Variants in SAMMSON observed in about 807,000 individuals in gnomAD.
The protein encoded by SAMMSON is long intergenic non-protein coding RNA 1212.
At chr3:70,134,944 C>A (rs1001840567) in intron 4 of SAMMSON, among the ~76,000 whole-genome samples, 1 of 152,086 alleles carries the variant, frequency 6.6e-6, no homozygotes, top group African/African-American at 2.4e-5. Flanking sequence ...AATTAAAGTA[C>A]ATTTTGCCAT....
At chr3:70,413,301 T>C (rs1701236724) in intron 2 of SAMMSON, among the ~76,000 whole-genome samples, 1 of 152,202 alleles carries the variant, frequency 6.6e-6, no homozygotes, top group Admixed American at 6.5e-5. Context: ...ATTGCCTCAA[T>C]GGCCGTTTAG....
intron 4 of SAMMSON, among the ~76,000 whole-genome samples, chr3:70,107,495 C>T (rs973138528): frequency 6.6e-6 from 1 of 151,946 alleles, no homozygotes; most frequent in Admixed American, 6.6e-5. Context: ...CAGGAATGAC[C>T]TCAAGAGCTG....
chr3:70,242,056 G>A lies in SAMMSON; in HGVS notation n.508-7051G>A, dbSNP rs142904385. ...ACTATCTTTGATGCCAGAAAGACTA[G>A]AGACAATTTCCTCGTAAGGGTAAGG... On this transcript the variant is annotated intron_variant and non_coding_transcript_variant, in intron 4 of 9. Transcript: ENST00000642114. Among the ~76,000 whole-genome samples the A allele has an allele frequency of 1.7e-4, 26 of 152,320 alleles. No homozygotes were observed. The East Asian group carries it at 4.4e-3, about 26-fold the overall frequency.
intron 4 of SAMMSON, among the ~76,000 whole-genome samples, chr3:70,175,577 A>G (rs1701002995): frequency 6.6e-6 from 1 of 151,974 alleles, no homozygotes; most frequent in African/African-American, 2.4e-5. Flanking sequence ...CTGATCCAGA[A>G]CCCCAAATCT....
At chr3:70,157,933 C>T (rs2067598135) in intron 4 of SAMMSON, among the ~76,000 whole-genome samples, 1 of 152,068 alleles carries the variant, frequency 6.6e-6, no homozygotes, top group Non-Finnish European at 1.5e-5. Flanking sequence ...AGCCCCCACT[C>T]TTGTACCCTC....
chr3:70,287,420 G>C (rs1294625385), intron 6 of SAMMSON, among the ~76,000 whole-genome samples: 2 of 151,580 alleles, frequency 1.3e-5, no homozygotes, highest in African/African-American at 4.9e-5. Context: ...ACTTGATCAT[G>C]GTGGATAAAC....
chr3:70,308,111 G>T (rs568253794), intron 7 of SAMMSON, among the ~76,000 whole-genome samples: 4 of 152,258 alleles, frequency 2.6e-5, no homozygotes, highest in African/African-American at 9.6e-5. Flanking sequence ...TAGTACAGTG[G>T]TGTGATCATA....
Position 70,291,546 on chromosome 3 carries a change from T to G in SAMMSON, n.739+303T>G, listed in dbSNP as rs139994751. The stretch of plus-strand genomic sequence containing the variant: ...TTATTTGGTCTTATCTCTCATCACA[T>G]TCTGAGATTCTCAGAAGGGACAATA... On this transcript the variant is annotated intron_variant and non_coding_transcript_variant, in intron 7 of 9. Coordinates refer to ENST00000642114, the Ensembl canonical transcript of SAMMSON. Among the ~76,000 whole-genome samples, 1,225 of 152,280 alleles carry G rather than the reference T, an allele frequency of 8.0e-3. 7 individuals are homozygous for G. Among genetic ancestry groups the G allele is most frequent in the Middle Eastern group, 0.041 (12 of 294 alleles).
intron 6 of SAMMSON, among the ~76,000 whole-genome samples, chr3:70,262,769 A>T (rs1302016408): frequency 6.6e-6 from 1 of 152,054 alleles, no homozygotes; most frequent in African/African-American, 2.4e-5. Context: ...GAAGATCTTT[A>T]GTTGTTATTT....
At chr3:70,183,355 G>T (rs894236798) in intron 4 of SAMMSON, 1 of 152,136 alleles carries the variant, frequency 6.6e-6, no homozygotes, top group Non-Finnish European at 1.5e-5. Flanking sequence ...TCAGTGGCTC[G>T]TGTGGAATGA....
Position 70,319,011 on chromosome 3 carries a change from TG to T in SAMMSON, n.739+27769del, listed in dbSNP as rs570055896. ...GAGTGTCTGCTAGTACTGTATTAAC[TG>T]TGATACCTATGTTCAGTGCTCAGTC... On this transcript the variant is annotated intron_variant and non_coding_transcript_variant, in intron 7 of 9. Coordinates refer to ENST00000642114, the Ensembl canonical transcript of SAMMSON. 9.1e-4 allele frequency among the ~76,000 whole-genome samples: 139 copies of T among 152,076 alleles called. 1 individual carries two copies. Among genetic ancestry groups the T allele is most frequent in the Non-Finnish European group, 1.7e-3 (116 of 67,982 alleles).
intron 4 of SAMMSON, among the ~76,000 whole-genome samples, chr3:70,108,191 T>A (rs1252334012): frequency 6.6e-6 from 1 of 152,058 alleles, no homozygotes; most frequent in African/African-American, 2.4e-5. Flanking sequence ...TAATGAAATT[T>A]AAAAATCATC....
At chr3:70,286,951 T>C (rs1352431617) in intron 6 of SAMMSON, among the ~76,000 whole-genome samples, 1 of 151,294 alleles carries the variant, frequency 6.6e-6, no homozygotes, top group African/African-American at 2.4e-5. Context: ...CTTAAGGAGA[T>C]TTTGGGCTGA....
intron 4 of SAMMSON, chr3:70,084,869 G>A (rs2067279971): frequency 6.6e-6 from 1 of 152,166 alleles, no homozygotes; most frequent in Non-Finnish European, 1.5e-5. Context: ...GATGGGAATG[G>A]GACTATAGTA....
chr3:70,177,934 T>A (rs1344968607), intron 4 of SAMMSON, among the ~76,000 whole-genome samples: 1 of 152,236 alleles, frequency 6.6e-6, no homozygotes, highest in East Asian at 1.9e-4. Flanking sequence ...CGTGTTTGTA[T>A]GTCTGCAAAA....
chr3:70,147,732 G>T (rs1408173409), intron 4 of SAMMSON, among the ~76,000 whole-genome samples: 2 of 151,978 alleles, frequency 1.3e-5, no homozygotes, highest in African/African-American at 4.8e-5. Flanking sequence ...GTGATCTGTG[G>T]TTAAGTGAAG....
chr3:70,289,444 G>A lies in SAMMSON; in HGVS notation n.675-1735G>A, dbSNP rs1229225147. Among the ~76,000 whole-genome samples the A allele has an allele frequency of 2.1e-3, 319 of 148,992 alleles. 1 individual carries two copies. Among genetic ancestry groups the A allele is most frequent in the Non-Finnish European group, 3.7e-3 (245 of 66,976 alleles). On this transcript the variant is annotated intron_variant and non_coding_transcript_variant, in intron 6 of 9. Coordinates refer to ENST00000642114, the Ensembl canonical transcript of SAMMSON. ...CGAGAGATCCGCTGTTAGTCTGATG[G>A]GCTTCCCTTTGAGGGTAACCCAACC...
chr3:70,020,351 A>G (rs779061071), intron 3 of SAMMSON, among the ~76,000 whole-genome samples: 8 of 152,182 alleles, frequency 5.3e-5, no homozygotes, highest in Non-Finnish European at 1.0e-4. Context: ...CCCTAGACGA[A>G]AGAGTACAAT....
At chr3:70,375,107 C>A (rs779727299) in intron 9 of SAMMSON, among the ~76,000 whole-genome samples, 1 of 152,080 alleles carries the variant, frequency 6.6e-6, no homozygotes, top group African/African-American at 2.4e-5. Context: ...GTGAAAAGTA[C>A]ATCTATGCCA....
Sources: gnomAD v4.1 joint callset for allele counts (sites outside exome capture counted in the v4.1 genomes callset) on GRCh38, gnomAD v4.1.1 for gene constraint, MANE v1.5 for transcripts, NCBI Gene and HGNC (gene_info 2026-07-23, HGNC 2026-07-21) for gene names.